Variants in MRAS observed in about 807,000 individuals in gnomAD.
The protein encoded by MRAS is muscle RAS oncogene homolog.
Under a neutral mutation model 20.9 loss-of-function variants are expected in MRAS, and 4 were observed. The observed-to-expected ratio is 0.19, with a 90% CI of 0.09 to 0.44. The LOEUF is 0.44. Ranked by LOEUF, MRAS falls within the 20% of genes least tolerant of loss-of-function variation. The pLI is 0.99. For missense variants in MRAS, 154 were observed against 277.5 expected, an observed-to-expected ratio of 0.56 and a Z score of 3.16; for synonymous variants, 98 against 102.9, an observed-to-expected ratio of 0.95 and a Z score of 0.29.
intron 1 of MRAS, among the ~76,000 whole-genome samples, chr3:138,361,651 G>A (rs2054450201): frequency 6.6e-6 from 1 of 152,180 alleles, no homozygotes; most frequent in East Asian, 1.9e-4. Context: ...GGGGCTCTGT[G>A]AGCAGAGGGC....
intron 2 of MRAS, among the ~76,000 whole-genome samples, chr3:138,393,908 C>G (rs2055180373): frequency 6.6e-6 from 1 of 152,100 alleles, no homozygotes; most frequent in Non-Finnish European, 1.5e-5. Context: ...CCAGGCTGGT[C>G]TTCAACTCCT....
intron 4 of MRAS, 79 bp from the exon 5 acceptor site, chr3:138,400,455 C>G: frequency 7.3e-7 from 1 of 1,362,022 alleles, no homozygotes; most frequent in Non-Finnish European, 1.0e-6. Flanking sequence ...TTCCTCAGAA[C>G]CTCTGGGCAT....
chr3:138,352,687 T>C (rs1274250472), intron 1 of MRAS, among the ~76,000 whole-genome samples: 4 of 152,282 alleles, frequency 2.6e-5, no homozygotes, highest in African/African-American at 9.6e-5. Context: ...TCAGGCTACC[T>C]TGACGGATAA....
chr3:138,359,828 T>A (rs1448517516), intron 1 of MRAS, among the ~76,000 whole-genome samples: 1 of 152,258 alleles, frequency 6.6e-6, no homozygotes, highest in African/African-American at 2.4e-5. Context: ...AGAACGGCCG[T>A]GCCACTCAGA....
chr3:138,390,076 G>A (rs1171229494), intron 2 of MRAS, among the ~76,000 whole-genome samples: 2 of 140,046 alleles, frequency 1.4e-5, no homozygotes, highest in Non-Finnish European at 1.5e-5. Context: ...GTGAGGGGGA[G>A]GAGGAGAAGC....
At chr3:138,395,511 T>C (rs1306381477) in intron 2 of MRAS, among the ~76,000 whole-genome samples, 1 of 152,030 alleles carries the variant, frequency 6.6e-6, no homozygotes, top group African/African-American at 2.4e-5. Context: ...GCCTTCGAAT[T>C]TGTTGTGTTC....
chr3:138,366,716 A>T (rs540210959), intron 1 of MRAS, among the ~76,000 whole-genome samples: 118 of 152,354 alleles, frequency 7.7e-4, no homozygotes, highest in African/African-American at 2.7e-3. Flanking sequence ...TGACAGTTCT[A>T]ACATGACCCT....
rs183040113 is a variant in MRAS, at chr3:138,364,173, G to A, written c.-18-8693G>A. Among the ~76,000 whole-genome samples the A allele has an allele frequency of 1.1e-3, 172 of 152,168 alleles. 3 individuals are homozygous for A. Among genetic ancestry groups the A allele is most frequent in the East Asian group, 3.9e-3 (20 of 5,170 alleles). ...GGAGCTGAGCCCCCACACACATATC[G>A]GCCTGCTAGCCTTCCGAGAAGGGAG... On this transcript the variant is annotated intron_variant, in intron 1 of 5. Coordinates refer to ENST00000423968, the MANE Select transcript of MRAS (RefSeq NM_001085049.3).
chr3:138,362,290 G>A (rs556504200), intron 1 of MRAS, among the ~76,000 whole-genome samples: 41 of 152,290 alleles, frequency 2.7e-4, no homozygotes, highest in African/African-American at 9.4e-4. Flanking sequence ...TTTGCAACTT[G>A]CCAGGCCTGG....
chr3:138,372,788 A>G lies in MRAS; in HGVS notation c.-18-78A>G, dbSNP rs1050144733. On this transcript the variant is annotated intron_variant, in intron 1 of 5. Coordinates refer to ENST00000423968, the MANE Select transcript of MRAS (RefSeq NM_001085049.3). ...TTTATAATTGAGAGTATTACTTTAT[A>G]AAGGAGGAAAACATATGAATATTTT... The G allele has an allele frequency of 1.9e-5, 20 of 1,076,506 alleles. No homozygotes were observed. The African/African-American group carries it at 3.4e-4, about 18-fold the overall frequency. The allele number at this position is 1,076,506 out of a possible 1,614,324, so 66.7% of individuals were successfully genotyped here.
chr3:138,389,482 G>T (rs1380198679), intron 2 of MRAS, among the ~76,000 whole-genome samples: 2 of 149,830 alleles, frequency 1.3e-5, no homozygotes, highest in African/African-American at 2.5e-5. Flanking sequence ...CAGCTGGAAG[G>T]CGGCTGGGAC....
chr3:138,389,898 G>A lies in MRAS; in HGVS notation c.194-7426G>A, dbSNP rs76349982. On this transcript the variant is annotated intron_variant, in intron 2 of 5. Transcript: ENST00000423968. Reference sequence around the variant, plus strand: ...CCCTGGGCTATGGGCCACTGTCGGAGCCCCTGGAGCTCATGCTGTGACTTT... The same window carrying A: ...CCCTGGGCTATGGGCCACTGTCGGAACCCCTGGAGCTCATGCTGTGACTTT... Among the ~76,000 whole-genome samples, 573 of 151,266 alleles carry A rather than the reference G, an allele frequency of 3.8e-3. 4 individuals are homozygous for A. The highest frequency in any genetic ancestry group is 0.014 in the African/African-American group (559 of 41,278).
At chr3:138,350,781 G>A (rs1013675083) in intron 1 of MRAS, among the ~76,000 whole-genome samples, 2 of 151,834 alleles carry the variant, frequency 1.3e-5, no homozygotes, top group Non-Finnish European at 2.9e-5. Context: ...GTGAAACTCC[G>A]TCTCTACAAA....
At chr3:138,391,028 G>T (rs2055121807) in intron 2 of MRAS, among the ~76,000 whole-genome samples, 1 of 152,068 alleles carries the variant, frequency 6.6e-6, no homozygotes, top group African/African-American at 2.4e-5. Flanking sequence ...TCTCTGATAA[G>T]AATTGCTGAA....
intron 1 of MRAS, among the ~76,000 whole-genome samples, chr3:138,352,606 T>C (rs919444891): frequency 6.6e-6 from 1 of 152,318 alleles, no homozygotes; most frequent in African/African-American, 2.4e-5. Context: ...TGGGGACTGC[T>C]GCATGACAAT....
intron 1 of MRAS, among the ~76,000 whole-genome samples, chr3:138,370,176 A>G (rs1340845787): frequency 6.6e-6 from 1 of 152,124 alleles, no homozygotes; most frequent in East Asian, 1.9e-4. Flanking sequence ...AAAATTAGCC[A>G]GGCATGGTGG....
At chr3:138,349,650 AT>A (rs1349483465) in intron 1 of MRAS, 3 of 152,680 alleles carry the variant, frequency 2.0e-5, no homozygotes. Context: ...ATGGCCCCTG[AT>A]GGTGTGGAAC....
intron 2 of MRAS, among the ~76,000 whole-genome samples, chr3:138,373,422 A>C (rs1027851234): frequency 6.6e-6 from 1 of 152,204 alleles, no homozygotes; most frequent in Non-Finnish European, 1.5e-5. Flanking sequence ...GTTGTTTCTT[A>C]ATGAGCATAG....
At chr3:138,354,196 TACAGTC>T (rs1321991685) in intron 1 of MRAS, among the ~76,000 whole-genome samples, 13 of 151,970 alleles carry the variant, frequency 8.6e-5, no homozygotes, top group Middle Eastern at 3.4e-3. Flanking sequence ...TCATTAATCT[TACAGTC>T]ACAAATGAAC....
Sources: allele counts gnomAD v4.1 joint callset (sites outside exome capture counted in the v4.1 genomes callset), GRCh38; gene constraint gnomAD v4.1.1; transcripts MANE v1.5; gene names NCBI Gene and HGNC (gene_info 2026-07-23, HGNC 2026-07-21).